The following EPHA7 variants were observed in gnomAD, a reference collection of about 807,000 sequenced individuals.
The protein encoded by EPHA7 is EPH receptor A7, also known as ephrin type-A receptor 7.
In EPHA7, 25 loss-of-function variants were observed where a neutral mutation model predicts 112.6. The observed-to-expected ratio is 0.22, with a 90% CI of 0.16 to 0.31. The LOEUF (loss-of-function observed/expected upper bound fraction) is 0.31. Among genes scored for constraint, EPHA7 ranks in the 10% least tolerant of loss-of-function variants. The probability of loss-of-function intolerance (pLI) is 1.00; values close to 1 mark genes in which losing one functional copy is unlikely to be tolerated. For missense variants in EPHA7, 962 were observed against 1,212.6 expected (o/e 0.79, Z 3.07); for synonymous variants, 437 against 406.5 (o/e 1.07, Z -0.90).
chr6:93,342,433 A>G (rs78901377), intron 5 of EPHA7, among the ~76,000 whole-genome samples: 3,993 of 151,948 alleles, frequency 0.026, 175 homozygotes, highest in African/African-American at 0.092. Flanking sequence ...GTATCACTCT[A>G]TGCTCATACT....
rs1582690844 is a variant in EPHA7 at position 93,410,337 on chromosome 6, T to C, written c.832+164A>G. 6.3e-6 allele frequency: 4 copies of C among 634,102 alleles called. No individual in the cohort carries two copies. Among genetic ancestry groups the C allele is most frequent in the East Asian group, 2.7e-5 (1 of 36,896 alleles). 39.3% of individuals were successfully genotyped at this position (634,102 alleles called of 1,614,324 possible). On this transcript the variant is annotated intron_variant, in intron 3 of 16. Coordinates refer to ENST00000369303, the MANE Select transcript of EPHA7 (RefSeq NM_004440.4). This position sits in a 1 kb window ranked among gnomAD's most constrained non-coding sequence, Gnocchi z 4.0. ...TACATACACTTAGTGCAGATGCTACTGTAGGGCAATCACTAAGTTCAACGG... is the reference window on the plus strand; with the variant it reads ...TACATACACTTAGTGCAGATGCTACCGTAGGGCAATCACTAAGTTCAACGG...
chr6:93,348,731 T>C (rs1775535147), intron 5 of EPHA7, among the ~76,000 whole-genome samples: 1 of 151,928 alleles, frequency 6.6e-6, no homozygotes, highest in African/African-American at 2.4e-5. Context: ...ATTAAATTAA[T>C]GTCTTCTGTA....
intron 3 of EPHA7, among the ~76,000 whole-genome samples, chr6:93,398,050 A>C (rs1374400020): frequency 6.6e-6 from 1 of 151,952 alleles, no homozygotes; most frequent in Non-Finnish European, 1.5e-5. Flanking sequence ...AAAATCCTTA[A>C]AAACTAAAGA....
chr6:93,247,092 T>C, intron 14 of EPHA7, 107 bp from the exon 15 acceptor site: 1 of 1,016,796 alleles, frequency 9.8e-7, no homozygotes, highest in Non-Finnish European at 1.4e-6. Context: ...TGAGGCACAA[T>C]GCTTCACAAA....
chr6:93,277,212 T>C (rs1008769529), intron 5 of EPHA7, among the ~76,000 whole-genome samples: 5 of 152,008 alleles, frequency 3.3e-5, no homozygotes, highest in Admixed American at 6.6e-5. Context: ...TTTTAAAATA[T>C]ACAACTTTTA....
At chr6:93,363,306 G>A (rs1776346743) in intron 3 of EPHA7, among the ~76,000 whole-genome samples, 1 of 152,022 alleles carries the variant, frequency 6.6e-6, no homozygotes, top group African/African-American at 2.4e-5. Context: ...CTATAACACT[G>A]AGGAGGTAAA....
At chr6:93,405,813 G>GTC (rs1357089640) in intron 3 of EPHA7, among the ~76,000 whole-genome samples, 2 of 73,998 alleles carry the variant, frequency 2.7e-5, no homozygotes, top group Admixed American at 1.7e-4. Flanking sequence ...GTGTGTGTGT[G>GTC]TATATATATA....
chr6:93,418,639 C>T (rs985224054), intron 1 of EPHA7, among the ~76,000 whole-genome samples: 5 of 152,212 alleles, frequency 3.3e-5, no homozygotes, highest in African/African-American at 1.2e-4. Context: ...GCTTCACCTC[C>T]GCGGCGTTAT....
intron 5 of EPHA7, among the ~76,000 whole-genome samples, chr6:93,277,382 C>T (rs345718): frequency 0.71 from 108,092 of 151,764 alleles, 38,598 homozygotes; most frequent in South Asian, 0.83. Flanking sequence ...AGTATGTAGA[C>T]ATACATAAAA....
intron 2 of EPHA7, among the ~76,000 whole-genome samples, chr6:93,413,952 A>G (rs1779100440): frequency 6.6e-6 from 1 of 151,910 alleles, no homozygotes; most frequent in African/African-American, 2.4e-5. Context: ...CTCTTACTTG[A>G]TAAGGAATAA....
intron 3 of EPHA7, among the ~76,000 whole-genome samples, chr6:93,376,739 C>T (rs1314452557): frequency 1.3e-5 from 2 of 152,124 alleles, no homozygotes; most frequent in Non-Finnish European, 2.9e-5. Flanking sequence ...GACTCCTCAG[C>T]CCTGGGCTTC....
chr6:93,321,149 A>G (rs887467271), intron 5 of EPHA7, among the ~76,000 whole-genome samples: 46 of 151,956 alleles, frequency 3.0e-4, no homozygotes, highest in African/African-American at 1.1e-3. Flanking sequence ...ATGCATTAAA[A>G]TCATTAGAAT....
At chr6:93,373,159 T>C (rs1776886149) in intron 3 of EPHA7, among the ~76,000 whole-genome samples, 2 of 151,928 alleles carry the variant, frequency 1.3e-5, no homozygotes, top group Admixed American at 6.6e-5. Flanking sequence ...TATAGTAATA[T>C]ATCTTTGGAA....
chr6:93,336,778 C>T (rs1178775558), intron 5 of EPHA7, among the ~76,000 whole-genome samples: 1 of 151,852 alleles, frequency 6.6e-6, no homozygotes, highest in African/African-American at 2.4e-5. Context: ...CTCAAGTAAC[C>T]AAGAGTAACC....
At chr6:93,337,167 A>T (rs987594767) in intron 5 of EPHA7, among the ~76,000 whole-genome samples, 3 of 152,124 alleles carry the variant, frequency 2.0e-5, no homozygotes, top group African/African-American at 7.2e-5. Flanking sequence ...CTTTTCTCCC[A>T]TGGGAGACTG....
chr6:93,357,415 T>C lies in EPHA7; in HGVS notation c.989-363A>G, dbSNP rs993668152. On this transcript the variant is annotated intron_variant, in intron 4 of 16. Transcript: ENST00000369303. Reference sequence around the variant, plus strand: ...AAACAGCTGTGCAGTAGTTTAAAAATAGTTCTCCTTTTAACCACATAACAG... The same window carrying C: ...AAACAGCTGTGCAGTAGTTTAAAAACAGTTCTCCTTTTAACCACATAACAG... Among the ~76,000 whole-genome samples, 34 of 152,206 alleles carry C rather than the reference T, an allele frequency of 2.2e-4. 1 individual carries two copies. Among genetic ancestry groups the C allele is most frequent in the Admixed American group, 1.9e-3 (29 of 15,280 alleles).
At chr6:93,348,067 T>C (rs1775493452) in intron 5 of EPHA7, among the ~76,000 whole-genome samples, 2 of 151,848 alleles carry the variant, frequency 1.3e-5, no homozygotes, top group Non-Finnish European at 2.9e-5. Context: ...GCAGATCAAC[T>C]TGTCACCATA....
At chr6:93,247,061 AATG>A (rs1205809168) in intron 14 of EPHA7, 76 bp from the exon 15 acceptor site, 13 of 1,294,698 alleles carry the variant, frequency 1.0e-5, no homozygotes, top group Non-Finnish European at 1.2e-5. Context: ...TGGTAGGCAA[AATG>A]ATTTATCCAG....
chr6:93,411,788 TATAA>T (rs1398472577), intron 2 of EPHA7, among the ~76,000 whole-genome samples: 1 of 152,112 alleles, frequency 6.6e-6, no homozygotes, highest in African/African-American at 2.4e-5. Flanking sequence ...GCCACATAAC[TATAA>T]ATAAGTAGTT....
Sources: allele counts gnomAD v4.1 joint callset (sites outside exome capture counted in the v4.1 genomes callset), GRCh38; gene constraint gnomAD v4.1.1; non-coding constraint Gnocchi (gnomAD v3.1); transcripts MANE v1.5; gene names NCBI Gene and HGNC (gene_info 2026-07-23, HGNC 2026-07-21).